The following SGCZ variants were observed in gnomAD, a reference collection of about 807,000 sequenced individuals.
SGCZ encodes the protein sarcoglycan zeta.
In SGCZ, 40 loss-of-function variants were observed where a neutral mutation model predicts 41.3. The observed-to-expected ratio is 0.97, with a 90% CI of 0.75 to 1.26. SGCZ has a LOEUF of 1.26. Among genes scored for constraint, SGCZ ranks in the 50% most tolerant of loss-of-function variants. SGCZ has a pLI of 0.00. For missense variants in SGCZ, 552 were observed against 369.8 expected, an observed-to-expected ratio of 1.49 and a Z score of -4.04; for synonymous variants, 206 against 137.5, an observed-to-expected ratio of 1.50 and a Z score of -3.49.
intron 5 of SGCZ, among the ~76,000 whole-genome samples, chr8:14,151,486 A>G (rs1020773283): frequency 1.3e-5 from 2 of 152,156 alleles, no homozygotes; most frequent in African/African-American, 2.4e-5. Flanking sequence ...AGATCAGAGG[A>G]TTCAATATAG....
intron 1 of SGCZ, among the ~76,000 whole-genome samples, chr8:14,609,298 A>C (rs1227844863): frequency 6.6e-6 from 1 of 152,140 alleles, no homozygotes; most frequent in Non-Finnish European, 1.5e-5. Context: ...TATAACGTCA[A>C]TGCTGGTATT....
chr8:14,268,381 G>C (rs1162011173), intron 3 of SGCZ, among the ~76,000 whole-genome samples: 1 of 150,868 alleles, frequency 6.6e-6, no homozygotes, highest in African/African-American at 2.4e-5. Context: ...TCTCTGCAGT[G>C]TCTTTAACAT....
intron 1 of SGCZ, among the ~76,000 whole-genome samples, chr8:15,217,544 C>A (rs187916319): frequency 1.1e-4 from 17 of 151,144 alleles, no homozygotes; most frequent in African/African-American, 3.9e-4. Context: ...TGAATTATAC[C>A]AATCTAGGAG....
intron 1 of SGCZ, among the ~76,000 whole-genome samples, chr8:14,630,924 G>T (rs1442109690): frequency 1.3e-5 from 2 of 151,660 alleles, no homozygotes; most frequent in Admixed American, 6.6e-5. Context: ...TAATGTAAAT[G>T]ACGAGTTAAC....
chr8:15,206,133 T>C (rs1801054130), intron 1 of SGCZ, among the ~76,000 whole-genome samples: 1 of 152,092 alleles, frequency 6.6e-6, no homozygotes, highest in African/African-American at 2.4e-5. Flanking sequence ...CACCATGACA[T>C]GAGTTTACCT....
chr8:14,792,119 C>T (rs956503153), intron 1 of SGCZ, among the ~76,000 whole-genome samples: 1 of 152,136 alleles, frequency 6.6e-6, no homozygotes, highest in Non-Finnish European at 1.5e-5. Context: ...CACCTATGGT[C>T]TTAAAAATAG....
intron 1 of SGCZ, among the ~76,000 whole-genome samples, chr8:14,610,088 C>T (rs753107401): frequency 6.6e-6 from 1 of 152,156 alleles, no homozygotes; most frequent in Non-Finnish European, 1.5e-5. Context: ...GACCTGGGCC[C>T]TGCTGGAAAT....
intron 2 of SGCZ, among the ~76,000 whole-genome samples, chr8:14,385,956 G>A (rs906935363): frequency 2.0e-5 from 3 of 152,140 alleles, no homozygotes; most frequent in South Asian, 2.1e-4. Flanking sequence ...ATCATCTCTA[G>A]ATTACTTATA....
Position 14,722,331 on chromosome 8 carries a change from C to T in SGCZ, c.40-167405G>A, listed in dbSNP as rs577616327. Among the ~76,000 whole-genome samples the T allele has an allele frequency of 2.0e-5, 3 of 152,140 alleles. No individual in the cohort carries two copies. In the South Asian group the frequency reaches 6.2e-4, roughly 32 times the overall value. Reference sequence around the variant, plus strand: ...ATGAAAGTATTGTCTTCGGTAGGAACACTAAGCAATAATTTTCAAAAGCAT... The same window carrying T: ...ATGAAAGTATTGTCTTCGGTAGGAATACTAAGCAATAATTTTCAAAAGCAT... On this transcript the variant is annotated intron_variant, in intron 1 of 7. Coordinates refer to ENST00000382080, the MANE Select transcript of SGCZ (RefSeq NM_139167.4).
intron 1 of SGCZ, among the ~76,000 whole-genome samples, chr8:14,900,384 C>T (rs1371948473): frequency 6.6e-6 from 1 of 152,074 alleles, no homozygotes; most frequent in Non-Finnish European, 1.5e-5. Flanking sequence ...GTGAGTGAGG[C>T]TGAAAGCTAC....
intron 3 of SGCZ, among the ~76,000 whole-genome samples, chr8:14,283,451 G>A (rs1042077114): frequency 1.3e-5 from 2 of 151,864 alleles, no homozygotes; most frequent in African/African-American, 4.8e-5. Flanking sequence ...TTAGAAAAAT[G>A]TCATTATCCG....
At chr8:14,358,520 T>G (rs1803376614) in intron 2 of SGCZ, among the ~76,000 whole-genome samples, 1 of 152,164 alleles carries the variant, frequency 6.6e-6, no homozygotes, top group Non-Finnish European at 1.5e-5. Context: ...AACTAGTTAT[T>G]AAACAGGTTA....
intron 1 of SGCZ, among the ~76,000 whole-genome samples, chr8:14,615,238 A>G (rs1806061513): frequency 6.6e-6 from 1 of 152,186 alleles, no homozygotes; most frequent in African/African-American, 2.4e-5. Context: ...ACAAACTGCA[A>G]TCTAACATAG....
intron 1 of SGCZ, among the ~76,000 whole-genome samples, chr8:14,855,666 G>T (rs766121719): frequency 1.3e-5 from 2 of 152,122 alleles, no homozygotes; most frequent in Non-Finnish European, 2.9e-5. Flanking sequence ...TCAAATTGTG[G>T]TTGTATTATT....
chr8:15,177,384 T>C (rs775459083), intron 1 of SGCZ, among the ~76,000 whole-genome samples: 4 of 152,186 alleles, frequency 2.6e-5, no homozygotes, highest in African/African-American at 9.7e-5. Context: ...AATAAGGAGC[T>C]GAGGCCTTAC....
intron 1 of SGCZ, among the ~76,000 whole-genome samples, chr8:14,634,514 T>G (rs1341297630): frequency 2.0e-5 from 3 of 151,916 alleles, no homozygotes; most frequent in African/African-American, 7.2e-5. Flanking sequence ...AATAAAAATC[T>G]TCTTTTATGA....
At chr8:14,467,174 G>T (rs1396052921) in intron 2 of SGCZ, among the ~76,000 whole-genome samples, 4 of 151,600 alleles carry the variant, frequency 2.6e-5, no homozygotes, top group African/African-American at 9.7e-5. Flanking sequence ...ACTTCTCCTG[G>T]ACATTCATAA....
intron 1 of SGCZ, among the ~76,000 whole-genome samples, chr8:15,045,028 T>C (rs755017901): frequency 6.6e-6 from 1 of 152,072 alleles, no homozygotes; most frequent in African/African-American, 2.4e-5. Flanking sequence ...TGAATGCATA[T>C]TTTGGATATC....
At chr8:14,824,486 T>C (rs1802222917) in intron 1 of SGCZ, among the ~76,000 whole-genome samples, 1 of 152,108 alleles carries the variant, frequency 6.6e-6, no homozygotes, top group African/African-American at 2.4e-5. Context: ...AATATTTCCA[T>C]ATCATAATTT....
Sources: allele counts gnomAD v4.1 joint callset (sites outside exome capture counted in the v4.1 genomes callset), GRCh38; gene constraint gnomAD v4.1.1; transcripts MANE v1.5; gene names NCBI Gene and HGNC (gene_info 2026-07-23, HGNC 2026-07-21).